KCNJ6: variants seen among roughly 807,000 people sequenced by gnomAD.
KCNJ6 encodes potassium inwardly rectifying channel subfamily J member 6, also known as G protein-activated inward rectifier potassium channel 2.
A neutral mutation model predicts 34.2 loss-of-function variants in KCNJ6; 9 were observed. The ratio of observed to expected loss-of-function variants is 0.26; its 90% CI spans 0.16 to 0.46. KCNJ6 has a LOEUF of 0.46. KCNJ6 is among the 20% of genes least tolerant of loss of function. The pLI is 1.00. For synonymous variants in KCNJ6, 196 were observed against 207.1 expected (o/e 0.95, Z 0.46); for missense variants, 236 against 531.3 (o/e 0.44, Z 5.46).
At chr21:37,788,205 CA>C (rs574950647) in intron 2 of KCNJ6, among the ~76,000 whole-genome samples, 191 of 152,262 alleles carry the variant, frequency 1.3e-3, no homozygotes, top group African/African-American at 3.9e-3. Context: ...TTATATTCTT[CA>C]AAGTACTTGT....
At chr21:37,686,832 C>G (rs1483585744) in intron 3 of KCNJ6, among the ~76,000 whole-genome samples, 1 of 151,852 alleles carries the variant, frequency 6.6e-6, no homozygotes, top group Non-Finnish European at 1.5e-5. Context: ...TGGTCATGGC[C>G]TCAAATTCAC....
At chr21:37,908,420 A>C (rs1002316695) in intron 1 of KCNJ6, among the ~76,000 whole-genome samples, 4 of 152,246 alleles carry the variant, frequency 2.6e-5, no homozygotes, top group Non-Finnish European at 5.9e-5. Flanking sequence ...AATTCAACCT[A>C]AACTTACAGC....
chr21:37,823,681 C>G (rs921406312), intron 2 of KCNJ6, among the ~76,000 whole-genome samples: 2 of 152,180 alleles, frequency 1.3e-5, no homozygotes, highest in African/African-American at 2.4e-5. Context: ...TTCTTGGGGC[C>G]TCCCCAGCCA....
At chr21:37,716,009 A>G (rs1208138550) in intron 2 of KCNJ6, among the ~76,000 whole-genome samples, 1 of 152,194 alleles carries the variant, frequency 6.6e-6, no homozygotes, top group Non-Finnish European at 1.5e-5. Flanking sequence ...TACCCAACTC[A>G]CAGTGTTGTT....
intron 2 of KCNJ6, among the ~76,000 whole-genome samples, chr21:37,763,159 C>A (rs1373203542): frequency 1.3e-5 from 2 of 151,988 alleles, no homozygotes; most frequent in African/African-American, 4.8e-5. Context: ...CAAGTCACCA[C>A]CCGCTCCCAG....
intron 2 of KCNJ6, among the ~76,000 whole-genome samples, chr21:37,821,514 A>G (rs889006153): frequency 2.0e-5 from 3 of 152,114 alleles, no homozygotes; most frequent in Non-Finnish European, 4.4e-5. Flanking sequence ...CCCCACATGC[A>G]TTAGCTATTT....
intron 3 of KCNJ6, among the ~76,000 whole-genome samples, chr21:37,655,480 A>T (rs1280263709): frequency 6.6e-6 from 1 of 152,052 alleles, no homozygotes; most frequent in Non-Finnish European, 1.5e-5. Flanking sequence ...TCTAAGGAAG[A>T]AGTAATACCA....
chr21:37,694,353 C>T (rs572834325), intron 3 of KCNJ6, among the ~76,000 whole-genome samples: 16 of 152,190 alleles, frequency 1.1e-4, no homozygotes, highest in African/African-American at 2.2e-4. Flanking sequence ...CAAGCTCACA[C>T]GTTCAAATAG....
At chr21:37,702,272 C>T (rs1327485438) in intron 3 of KCNJ6, among the ~76,000 whole-genome samples, 2 of 145,732 alleles carry the variant, frequency 1.4e-5, no homozygotes, top group Non-Finnish European at 3.0e-5. Context: ...CTGTTCTGTG[C>T]CAAGTGAACT....
rs187306762 is a variant in KCNJ6, at chr21:37,870,169, G to A, written c.-27-29460C>T. On this transcript the variant is annotated intron_variant, in intron 1 of 3. Transcript: ENST00000609713. The stretch of plus-strand genomic sequence containing the variant: ...CCCTTTTCTGATGCTCATGTATGTT[G>A]CAATGACCAGGAAGGCATGCAATCC... 1.7e-4 allele frequency among the ~76,000 whole-genome samples: 26 copies of A among 152,200 alleles called. No individual in the cohort carries two copies. The East Asian group carries it at 5.0e-3, about 29-fold the overall frequency.
chr21:37,897,038 T>G (rs896039221), intron 1 of KCNJ6, among the ~76,000 whole-genome samples: 2 of 152,274 alleles, frequency 1.3e-5, no homozygotes, highest in East Asian at 3.9e-4. Flanking sequence ...AGCTGGTTCG[T>G]GTGGGAGGCT....
chr21:37,735,519 T>C (rs2054908218), intron 2 of KCNJ6, among the ~76,000 whole-genome samples: 1 of 152,190 alleles, frequency 6.6e-6, no homozygotes, highest in Non-Finnish European at 1.5e-5. Context: ...ACTGAAGCTC[T>C]CAGCTTGGTG....
chr21:37,854,699 C>T (rs1178974529), intron 1 of KCNJ6, among the ~76,000 whole-genome samples: 3 of 151,950 alleles, frequency 2.0e-5, no homozygotes, highest in Non-Finnish European at 4.4e-5. Context: ...TCCCAAATAC[C>T]CTGACTTGAT....
chr21:37,809,317 T>C (rs1023551048), intron 2 of KCNJ6, among the ~76,000 whole-genome samples: 3 of 151,802 alleles, frequency 2.0e-5, no homozygotes, highest in African/African-American at 7.3e-5. Context: ...TAGGTGGGAA[T>C]TGAACAATGA....
chr21:37,860,565 G>A (rs916346262), intron 1 of KCNJ6, among the ~76,000 whole-genome samples: 2 of 152,096 alleles, frequency 1.3e-5, no homozygotes, highest in Non-Finnish European at 2.9e-5. Context: ...GCTTCAGGTG[G>A]CATGGAGTTC....
intron 1 of KCNJ6, among the ~76,000 whole-genome samples, chr21:37,866,485 G>A (rs1243792584): frequency 2.0e-5 from 3 of 152,164 alleles, no homozygotes; most frequent in Non-Finnish European, 4.4e-5. Flanking sequence ...TGAACCAGGA[G>A]CCCGACCTTT....
chr21:37,871,489 T>C (rs1051451489), intron 1 of KCNJ6, among the ~76,000 whole-genome samples: 1 of 152,228 alleles, frequency 6.6e-6, no homozygotes, highest in Admixed American at 6.5e-5. Flanking sequence ...GAGGGCCCGA[T>C]GAGGGCAGAG....
chr21:37,781,255 G>A (rs2055167994), intron 2 of KCNJ6, among the ~76,000 whole-genome samples: 1 of 152,230 alleles, frequency 6.6e-6, no homozygotes, highest in Admixed American at 6.5e-5. Context: ...CTTCTCCTTT[G>A]CAGAGCATAT....
intron 3 of KCNJ6, among the ~76,000 whole-genome samples, chr21:37,703,621 G>T (rs937450559): frequency 1.3e-5 from 2 of 152,118 alleles, no homozygotes; most frequent in Admixed American, 1.3e-4. Context: ...CATATGACAG[G>T]TACCCCCTGA....
Sources: gnomAD v4.1 joint callset for allele counts (sites outside exome capture counted in the v4.1 genomes callset) on GRCh38, gnomAD v4.1.1 for gene constraint, MANE v1.5 for transcripts, NCBI Gene and HGNC (gene_info 2026-07-23, HGNC 2026-07-21) for gene names.